The following SERPINB9 variants were observed in gnomAD, a reference collection of about 807,000 sequenced individuals.
SERPINB9 encodes the protein serpin family B member 9.
A neutral mutation model predicts 27.2 loss-of-function variants in SERPINB9; 20 were observed. The observed-to-expected ratio is 0.74, with a 90% CI of 0.52 to 1.07. The LOEUF (loss-of-function observed/expected upper bound fraction) is 1.07. Ranked by LOEUF, SERPINB9 falls within the 50% of genes least tolerant of loss-of-function variation. The pLI, the probability that SERPINB9 is intolerant of heterozygous loss-of-function variation, is 0.00. For synonymous variants in SERPINB9, 189 were observed against 180.0 expected, an observed-to-expected ratio of 1.05 and a Z score of -0.40; for missense variants, 476 against 460.1, an observed-to-expected ratio of 1.03 and a Z score of -0.32.
Position 2,901,953 on chromosome 6 carries a change from A to G in SERPINB9, c.-11+1248T>C, listed in dbSNP as rs139228867. On this transcript the variant is annotated intron_variant, in intron 1 of 6. Coordinates refer to ENST00000380698, the MANE Select transcript of SERPINB9 (RefSeq NM_004155.6). The stretch of plus-strand genomic sequence containing the variant: ...CCCCAGCCACCCCCACGCCACAGCC[A>G]CACGGCACCTCAGAAAGCGGTGTCT... Among the ~76,000 whole-genome samples the G allele has an allele frequency of 8.4e-3, 1,285 of 152,194 alleles. 24 individuals are homozygous for G. The highest frequency in any genetic ancestry group is 0.028 in the African/African-American group (1,181 of 41,492).
At chr6:2,895,530 G>T (rs760213483) in intron 3 of SERPINB9, 22 bp from the exon 4 acceptor site, 54 of 1,499,928 alleles carry the variant, frequency 3.6e-5, no homozygotes, top group Non-Finnish European at 4.9e-5. Flanking sequence ...AAAATGTTCA[G>T]TGAGGCTGCA....
chr6:2,901,353 G>T (rs533652466), intron 1 of SERPINB9, among the ~76,000 whole-genome samples: 4 of 152,188 alleles, frequency 2.6e-5, no homozygotes, highest in African/African-American at 7.2e-5. Context: ...GTTTTGCTTC[G>T]TTTTGTTTTG....
At chr6:2,896,508 C>T (rs1317890205) in intron 2 of SERPINB9, among the ~76,000 whole-genome samples, 6 of 151,672 alleles carry the variant, frequency 4.0e-5, no homozygotes, top group Admixed American at 2.0e-4. Context: ...GAAAAATAGA[C>T]GGAAATACAA....
Position 2,893,531 on chromosome 6 carries a change from C to G in SERPINB9, c.447G>C (p.Pro149=). Residue 149 remains proline (P), a synonymous_variant, in exon 5 of 7, where the codon CCG becomes CCC. Coordinates refer to ENST00000380698, the MANE Select transcript of SERPINB9 (RefSeq NM_004155.6). ...TGGTTTCTGCATCAATTGAGCTACC[C>G]GGCAACAACTCTTCAATTTTACCTT... ...KTEGKIEELL[P]GSSIDAETRL... 6.2e-7 allele frequency: 1 copy of G among 1,611,696 alleles called. No homozygotes were observed.
At chr6:2,896,310 C>T (rs577758740) in intron 2 of SERPINB9, 120 bp from the exon 3 acceptor site, 8 of 808,556 alleles carry the variant, frequency 9.9e-6, no homozygotes, top group South Asian at 7.6e-5. Flanking sequence ...GAATGGATCT[C>T]GCTTGTTTAA....
chr6:2,890,357 T>C lies in SERPINB9; in HGVS notation c.937A>G (p.Lys313Glu). 1 of 1,614,214 alleles carries C rather than the reference T, an allele frequency of 6.2e-7. No individual in the cohort carries two copies. The highest frequency in any genetic ancestry group is 8.5e-7 in the Non-Finnish European group (1 of 1,180,038). ...MSAERDLCLS[K>E]FVHKSFVEVN... The stretch of plus-strand genomic sequence containing the variant: ...TCCACAAAACTCTTGTGCACGAACT[T>C]GGACAGACACAGGTCTCTCTCCGCT... The change falls in exon 7 of 7, where the codon AAG (lysine) becomes GAG (glutamate). Residue 313 changes from lysine (K) to glutamate (E), a missense_variant. Coordinates refer to ENST00000380698, the MANE Select transcript of SERPINB9 (RefSeq NM_004155.6). The surrounding 1 kb of genome is among the most constrained non-coding windows in gnomAD (Gnocchi z 6.2).
intron 2 of SERPINB9, chr6:2,900,174 C>T (rs1768146843): frequency 1.9e-6 from 1 of 518,174 alleles, no homozygotes; most frequent in Admixed American, 3.4e-5. Flanking sequence ...AAGAAAGATT[C>T]TGCGCTAGGA....
At chr6:2,902,055 T>A (rs1000451620) in intron 1 of SERPINB9, among the ~76,000 whole-genome samples, 2 of 152,096 alleles carry the variant, frequency 1.3e-5, no homozygotes, top group African/African-American at 4.8e-5. Context: ...AGCCACCTTG[T>A]TAAAACGGTG....
chr6:2,890,392 G>A lies in SERPINB9; in HGVS notation c.902C>T (p.Ser301Leu), dbSNP rs763184475. ...CAGGTCTCTCTCCGCTGACATTGCC[G>A]ACAAGTCAGCCTTGCCCTGTTGGAA... ...DAFQQGKADL[S>L]AMSAERDLCL... Residue 301 changes from serine to leucine, a missense_variant, in exon 7 of 7, where the codon TCG becomes TTG. Transcript: ENST00000380698. This position sits in a 1 kb window ranked among gnomAD's most constrained non-coding sequence, Gnocchi z 6.2. The A allele has an allele frequency of 3.3e-5, 53 of 1,614,060 alleles. No individual in the cohort carries two copies. The highest frequency in any genetic ancestry group is 8.9e-5 in the East Asian group (4 of 44,894).
chr6:2,900,337 C>T, intron 2 of SERPINB9, 107 bp downstream of exon 2: 1 of 1,400,856 alleles, frequency 7.1e-7, no homozygotes, highest in East Asian at 2.3e-5. Flanking sequence ...ACACTCGGGC[C>T]CCAGTCCTGC....
intron 2 of SERPINB9, among the ~76,000 whole-genome samples, chr6:2,898,157 GGA>G (rs1174654919): frequency 6.6e-6 from 1 of 151,298 alleles, no homozygotes; most frequent in African/African-American, 2.4e-5. Context: ...AAAATAAGAG[GGA>G]GAGAGAGAAT....
In SERPINB9 at chr6:2,889,840, C is replaced by A. The variant is rs80206615; in HGVS notation, c.*323G>T. On this transcript the variant is annotated 3_prime_UTR_variant, in exon 7 of 7. Coordinates refer to ENST00000380698, the MANE Select transcript of SERPINB9 (RefSeq NM_004155.6). ...GAGGCAGCGGGTTAAGGAATGTATT[C>A]GCAGTGTCAGGAAAGCACAGGGTCG... 3.4e-5 allele frequency: 9 copies of A among 262,944 alleles called. No homozygotes were observed. The highest frequency in any genetic ancestry group is 5.8e-5 in the Non-Finnish European group (8 of 137,452). 16.3% of individuals were successfully genotyped at this position (262,944 alleles called of 1,614,324 possible). A position where few individuals can be genotyped will look rare whatever the true frequency, so the allele number is the denominator to read the frequency against.
At chr6:2,893,963 G>A (rs1440228612) in intron 4 of SERPINB9, among the ~76,000 whole-genome samples, 1 of 152,102 alleles carries the variant, frequency 6.6e-6, no homozygotes, top group African/African-American at 2.4e-5. Context: ...GAAGCAACCA[G>A]AATGGACGGC....
In SERPINB9 at chr6:2,892,001, T is replaced by C; in HGVS notation, c.568-13A>G. The C allele has an allele frequency of 6.2e-7, 1 of 1,610,894 alleles. No homozygotes were observed. The highest frequency in any genetic ancestry group is 8.5e-7 in the Non-Finnish European group (1 of 1,179,546). On this transcript the variant is annotated splice_polypyrimidine_tract_variant and intron_variant, in intron 5 of 6. Coordinates refer to ENST00000380698, the MANE Select transcript of SERPINB9 (RefSeq NM_004155.6). ...GCCTTTGCTCCTCCTGGGGGAAGGATTATTGAAAGACGCAATTAAAACTTT... is the reference window on the plus strand; with the variant it reads ...GCCTTTGCTCCTCCTGGGGGAAGGACTATTGAAAGACGCAATTAAAACTTT...
rs940052947 is a variant in SERPINB9, at chr6:2,888,720, T to C, written c.*1443A>G. The C allele has an allele frequency of 2.0e-5, 3 of 152,194 alleles. No homozygotes were observed. Among genetic ancestry groups the C allele is most frequent in the African/African-American group, 7.2e-5 (3 of 41,458 alleles). The allele number at this position is 152,194 out of a possible 1,614,324, so 9.4% of individuals were successfully genotyped here. The stretch of plus-strand genomic sequence containing the variant: ...TGCTTAATGGGATGGGGTTTCCTTT[T>C]AGAGGAGAACATTTTTTTTGGAACT... On this transcript the variant is annotated 3_prime_UTR_variant, in exon 7 of 7. Transcript: ENST00000380698.
chr6:2,888,737 T>C lies in SERPINB9; in HGVS notation c.*1426A>G, dbSNP rs1199196868. The C allele has an allele frequency of 6.6e-6, 1 of 152,178 alleles. No individual in the cohort carries two copies. Among genetic ancestry groups the C allele is most frequent in the Admixed American group, 6.5e-5 (1 of 15,280 alleles). The allele number at this position is 152,178 out of a possible 1,614,324, so 9.4% of individuals were successfully genotyped here. A position where few individuals can be genotyped will look rare whatever the true frequency, so the allele number is the denominator to read the frequency against. On this transcript the variant is annotated 3_prime_UTR_variant, in exon 7 of 7. Transcript: ENST00000380698. ...TTTCCTTTTAGAGGAGAACATTTTT[T>C]TTGGAACTTTAAATAAAGGTGGTGG...
At position 2,900,733 on chromosome 6, in the gene SERPINB9, G is replaced by GT. The variant is rs1768170093; in HGVS notation, c.-10-113dup. 6.1e-6 allele frequency: 6 copies of GT among 977,696 alleles called. No homozygotes were observed. In the Admixed American group the frequency reaches 7.3e-5, roughly 12 times the overall value. 60.6% of individuals were successfully genotyped at this position (977,696 alleles called of 1,614,324 possible). ...ACTTTTTGTTTTCTTCTTAAAGTTC[G>GT]TAAGTATTTTAAATTGGAGAAAAAT... On this transcript the variant is annotated intron_variant, in intron 1 of 6. Transcript: ENST00000380698.
rs544756414 is a variant in SERPINB9, at chr6:2,893,801, T to C, written c.425-248A>G. On this transcript the variant is annotated intron_variant, in intron 4 of 6. Transcript: ENST00000380698. ...TCGAGGAAAGCAGGTTGGTACAAAG[T>C]AGAAAAATTACACCAGGTTGGAGAA... Among the ~76,000 whole-genome samples the C allele has an allele frequency of 2.6e-5, 4 of 152,128 alleles. No homozygotes were observed. The East Asian group carries it at 7.7e-4, about 29-fold the overall frequency.
At chr6:2,897,107 CAG>C in intron 2 of SERPINB9, among the ~76,000 whole-genome samples, 1 of 131,822 alleles carries the variant, frequency 7.6e-6, no homozygotes, top group African/African-American at 3.0e-5. Flanking sequence ...GCCTAGGAGA[CAG>C]AGCAAGACCA....
Sources: allele counts gnomAD v4.1 joint callset (sites outside exome capture counted in the v4.1 genomes callset), GRCh38; gene constraint gnomAD v4.1.1; non-coding constraint Gnocchi (gnomAD v3.1); transcripts MANE v1.5; gene names NCBI Gene and HGNC (gene_info 2026-07-23, HGNC 2026-07-21).